DACH2: variants seen among roughly 807,000 people sequenced by gnomAD.
DACH2 encodes dachshund homolog 2.
Under a neutral mutation model 35.8 loss-of-function variants are expected in DACH2, and 17 were observed. The observed-to-expected ratio is 0.48, with a 90% CI of 0.33 to 0.71. The LOEUF (loss-of-function observed/expected upper bound fraction) is 0.71, where lower values mean the gene tolerates loss of function less well. Among genes scored for constraint, DACH2 ranks in the 30% least tolerant of loss-of-function variants. DACH2 has a pLI of 0.02. For synonymous variants in DACH2, 195 were observed against 177.3 expected (o/e 1.10, Z -0.79); for missense variants, 469 against 472.7 (o/e 0.99, Z 0.07).
intron 3 of DACH2, among the ~76,000 whole-genome samples, chrX:86,599,212 G>A (rs1484002805): frequency 9.0e-6 from 1 of 110,918 alleles, no homozygotes; most frequent in Admixed American, 9.6e-5. Context: ...TATTATTGTG[G>A]CCAATTCCTT....
intron 7 of DACH2, among the ~76,000 whole-genome samples, chrX:86,760,441 C>T (rs1409090417): frequency 9.0e-6 from 1 of 111,201 alleles, no homozygotes; most frequent in Non-Finnish European, 1.9e-5. Context: ...TTCAAAATAC[C>T]TGTCTTCAAG....
chrX:86,367,623 T>C (rs1000591143), intron 1 of DACH2, among the ~76,000 whole-genome samples: 4 of 111,249 alleles, frequency 3.6e-5, no homozygotes, highest in African/African-American at 1.3e-4. Flanking sequence ...AGAAGTATAC[T>C]GGGATCTCGA....
intron 7 of DACH2, among the ~76,000 whole-genome samples, chrX:86,771,150 G>A (rs2041984917): frequency 8.9e-6 from 1 of 112,962 alleles, no homozygotes; most frequent in African/African-American, 3.2e-5. Context: ...CTGCCTATAA[G>A]TCAGTTTGCT....
chrX:86,158,059 A>T (rs2030613557), intron 1 of DACH2, among the ~76,000 whole-genome samples: 3 of 111,444 alleles, frequency 2.7e-5, no homozygotes, highest in Non-Finnish European at 5.7e-5. Context: ...AAACTTTAAT[A>T]TGATAAAAAA....
intron 3 of DACH2, among the ~76,000 whole-genome samples, chrX:86,586,784 T>G: frequency 9.0e-6 from 1 of 111,684 alleles, no homozygotes; most frequent in Non-Finnish European, 1.9e-5. Context: ...TCTGTGTGAC[T>G]GTTTTTGTAT....
chrX:86,390,804 G>T (rs1257782715), intron 2 of DACH2, among the ~76,000 whole-genome samples: 2 of 108,975 alleles, frequency 1.8e-5, no homozygotes, highest in Non-Finnish European at 3.8e-5. Context: ...TGACCAGGCT[G>T]GTCTTGAACT....
At chrX:86,385,241 A>T (rs182024418) in intron 2 of DACH2, among the ~76,000 whole-genome samples, 230 of 111,645 alleles carry the variant, frequency 2.1e-3, no homozygotes, top group Non-Finnish European at 3.7e-3. Context: ...CATATTAGGT[A>T]TAAAGAAGGT....
At chrX:86,805,149 G>A (rs1038061332) in intron 7 of DACH2, among the ~76,000 whole-genome samples, 5 of 112,758 alleles carry the variant, frequency 4.4e-5, no homozygotes, top group African/African-American at 1.6e-4. Flanking sequence ...TTCTGCCTGG[G>A]GAACCAGGCT....
At chrX:86,598,174 G>C (rs1433610837) in intron 3 of DACH2, among the ~76,000 whole-genome samples, 2 of 111,314 alleles carry the variant, frequency 1.8e-5, no homozygotes, top group African/African-American at 6.5e-5. Flanking sequence ...ATTTGGGTGG[G>C]GACACAGCCA....
Position 86,772,871 on chromosome X carries a change from T to C in DACH2, c.1240+32989T>C, listed in dbSNP as rs1029920832. Among the ~76,000 whole-genome samples, 3 of 109,921 alleles carry C rather than the reference T, an allele frequency of 2.7e-5. 1 individual carries two copies. The Admixed American group carries it at 2.9e-4, about 11-fold the overall frequency. On this transcript the variant is annotated intron_variant, in intron 7 of 11. Coordinates refer to ENST00000373125, the MANE Select transcript of DACH2 (RefSeq NM_053281.3). The stretch of plus-strand genomic sequence containing the variant: ...GAATTCCTAAGCCCCTTGAGGACAG[T>C]TTTTTCCTACTATATAAGACAGTCA...
chrX:86,365,774 C>G (rs764893701), intron 1 of DACH2, among the ~76,000 whole-genome samples: 33 of 111,269 alleles, frequency 3.0e-4, no homozygotes, highest in South Asian at 1.1e-3. Flanking sequence ...TTGCACTTTT[C>G]TTGTTCTCCA....
intron 2 of DACH2, among the ~76,000 whole-genome samples, chrX:86,413,494 A>G (rs1041505854): frequency 8.9e-6 from 1 of 111,880 alleles, no homozygotes. Flanking sequence ...GGTTAAGCTT[A>G]TGATAATCCA....
chrX:86,528,000 C>T (rs2038658601), intron 3 of DACH2, among the ~76,000 whole-genome samples: 1 of 111,685 alleles, frequency 9.0e-6, no homozygotes, highest in Non-Finnish European at 1.9e-5. Flanking sequence ...GTATCTATTT[C>T]TGCTTAAATA....
intron 1 of DACH2, among the ~76,000 whole-genome samples, chrX:86,294,091 A>T (rs939107797): frequency 3.2e-4 from 36 of 111,320 alleles, no homozygotes; most frequent in Non-Finnish European, 4.7e-4. Context: ...CTTTTCACAT[A>T]GTCCCATATT....
intron 2 of DACH2, among the ~76,000 whole-genome samples, chrX:86,495,943 C>A: frequency 9.0e-6 from 1 of 110,573 alleles, no homozygotes; most frequent in South Asian, 3.8e-4. Flanking sequence ...AATAATATAC[C>A]GAAGATGTAG....
intron 4 of DACH2, among the ~76,000 whole-genome samples, chrX:86,661,933 C>T (rs1468255108): frequency 1.8e-5 from 2 of 111,711 alleles, no homozygotes; most frequent in Non-Finnish European, 3.8e-5. Context: ...GCAAGCTGAT[C>T]CTGCCAAGTA....
At chrX:86,816,495 A>C (rs774706833) in intron 11 of DACH2, among the ~76,000 whole-genome samples, 1 of 112,103 alleles carries the variant, frequency 8.9e-6, no homozygotes, top group Non-Finnish European at 1.9e-5. Flanking sequence ...TGTTTGTAAA[A>C]GCCACAGGTA....
intron 2 of DACH2, among the ~76,000 whole-genome samples, chrX:86,409,674 C>A (rs987589285): frequency 2.1e-4 from 23 of 111,720 alleles, no homozygotes; most frequent in African/African-American, 7.5e-4. Flanking sequence ...CCTATAGAAC[C>A]GTGAACCAAT....
At chrX:86,473,290 G>T (rs1602559142) in intron 2 of DACH2, among the ~76,000 whole-genome samples, 1 of 111,003 alleles carries the variant, frequency 9.0e-6, no homozygotes, top group East Asian at 2.8e-4. Flanking sequence ...CTTGATACAG[G>T]TATACAATGT....
Sources: gnomAD v4.1 joint callset for allele counts (sites outside exome capture counted in the v4.1 genomes callset) on GRCh38, gnomAD v4.1.1 for gene constraint, MANE v1.5 for transcripts, NCBI Gene and HGNC (gene_info 2026-07-23, HGNC 2026-07-21) for gene names.